The following ERBB4 variants were observed in gnomAD, a reference collection of about 807,000 sequenced individuals.
The protein encoded by ERBB4 is erb-b2 receptor tyrosine kinase 4.
A neutral mutation model predicts 158.0 loss-of-function variants in ERBB4; 42 were observed. The ratio of observed to expected loss-of-function variants is 0.27; its 90% CI spans 0.21 to 0.34. ERBB4 has a LOEUF of 0.34. ERBB4 is among the 10% of genes least tolerant of loss of function. The probability of loss-of-function intolerance (pLI) is 1.00; values close to 1 mark genes in which losing one functional copy is unlikely to be tolerated. For missense variants in ERBB4, 1,333 were observed against 1,624.1 expected, an observed-to-expected ratio of 0.82 and a Z score of 3.08; for synonymous variants, 583 against 558.7, an observed-to-expected ratio of 1.04 and a Z score of -0.61.
chr2:212,530,168 A>T (rs1692673751), intron 1 of ERBB4, among the ~76,000 whole-genome samples: 1 of 146,450 alleles, frequency 6.8e-6, no homozygotes, highest in Non-Finnish European at 1.5e-5. Flanking sequence ...ACCCATAAAG[A>T]GGATCTTGCA....
intron 1 of ERBB4, among the ~76,000 whole-genome samples, chr2:212,432,896 C>G (rs1007760443): frequency 2.0e-5 from 3 of 152,038 alleles, no homozygotes; most frequent in Non-Finnish European, 4.4e-5. Flanking sequence ...ATGGCAGCCA[C>G]AAACTCTGGA....
At chr2:211,807,652 T>C (rs114574828) in intron 3 of ERBB4, among the ~76,000 whole-genome samples, 1,897 of 152,334 alleles carry the variant, frequency 0.012, 34 homozygotes, top group African/African-American at 0.043. Context: ...CCTTTGGGTA[T>C]ATATCTAATA....
intron 3 of ERBB4, among the ~76,000 whole-genome samples, chr2:211,914,065 A>C (rs2079617799): frequency 6.7e-6 from 1 of 149,720 alleles, no homozygotes; most frequent in Admixed American, 6.7e-5. Context: ...AAAAAAAAAA[A>C]AACAAGGAGT....
chr2:211,418,993 A>G (rs1051770113), intron 25 of ERBB4, among the ~76,000 whole-genome samples: 3 of 152,158 alleles, frequency 2.0e-5, no homozygotes, highest in Admixed American at 6.5e-5. Context: ...TTTCCATATC[A>G]GATCTTCTAA....
chr2:212,139,859 C>T (rs749392528), intron 1 of ERBB4, among the ~76,000 whole-genome samples: 4 of 151,820 alleles, frequency 2.6e-5, no homozygotes, highest in Admixed American at 6.6e-5. Context: ...ACACCTTTTC[C>T]GAACATGACT....
chr2:211,703,975 G>C, intron 11 of ERBB4, 129 bp downstream of exon 11: 1 of 731,808 alleles, frequency 1.4e-6, no homozygotes, highest in South Asian at 1.5e-5. Context: ...GCTTATCTTT[G>C]GAAATAAGGA....
intron 1 of ERBB4, among the ~76,000 whole-genome samples, chr2:212,217,851 A>G (rs1318426018): frequency 2.0e-5 from 3 of 151,470 alleles, no homozygotes; most frequent in African/African-American, 4.8e-5. Flanking sequence ...GAACAAGATA[A>G]TATATGTAAA....
chr2:211,874,158 A>G (rs79063059), intron 3 of ERBB4, among the ~76,000 whole-genome samples: 1,712 of 152,190 alleles, frequency 0.011, 36 homozygotes, highest in African/African-American at 0.038. Context: ...AAACAAACAA[A>G]AACAAAACAA....
intron 2 of ERBB4, among the ~76,000 whole-genome samples, chr2:211,978,396 G>GTCTCTTTCTATCTATCTATCTATCTA (rs77259627): frequency 7.3e-6 from 1 of 136,560 alleles, no homozygotes; most frequent in Admixed American, 7.4e-5. Flanking sequence ...CTGTCTGTCT[G>GTCTCTTTCTATCTATCTATCTATCTA]TCTATCTATC....
intron 1 of ERBB4, among the ~76,000 whole-genome samples, chr2:212,489,567 A>G (rs1052190294): frequency 1.4e-4 from 21 of 152,060 alleles, no homozygotes; most frequent in African/African-American, 3.9e-4. Context: ...AGATTCACCA[A>G]TGTAAGAAAT....
At chr2:211,963,281 C>A (rs566505304) in intron 2 of ERBB4, among the ~76,000 whole-genome samples, 1 of 152,032 alleles carries the variant, frequency 6.6e-6, no homozygotes, top group African/African-American at 2.4e-5. Context: ...CACCAGACAG[C>A]CCTTTCTTCC....
At chr2:212,192,210 TA>T (rs1417459480) in intron 1 of ERBB4, among the ~76,000 whole-genome samples, 1 of 115,290 alleles carries the variant, frequency 8.7e-6, no homozygotes, top group Non-Finnish European at 1.7e-5. Flanking sequence ...TATTCTTTTT[TA>T]TTTCCTTCTT....
intron 16 of ERBB4, among the ~76,000 whole-genome samples, chr2:211,652,779 T>C (rs2071042714): frequency 6.6e-6 from 1 of 152,214 alleles, no homozygotes; most frequent in Admixed American, 6.5e-5. Context: ...TTGGAGCAAG[T>C]AACTAGATAA....
chr2:212,232,707 C>T (rs1381526368), intron 1 of ERBB4, among the ~76,000 whole-genome samples: 2 of 152,012 alleles, frequency 1.3e-5, no homozygotes, highest in South Asian at 2.1e-4. Flanking sequence ...CACACCCGGC[C>T]GGGAGTAAGT....
At chr2:211,492,290 G>C (rs113263800) in intron 20 of ERBB4, among the ~76,000 whole-genome samples, 4,216 of 152,190 alleles carry the variant, frequency 0.028, 92 homozygotes, top group Middle Eastern at 0.061. Context: ...GAGCATTCAG[G>C]TTTTGGAGTA....
intron 15 of ERBB4, 132 bp from the exon 16 acceptor site, chr2:211,657,960 G>A: frequency 6.2e-7 from 1 of 1,606,034 alleles, no homozygotes; most frequent in South Asian, 1.1e-5. Context: ...CTATCCATCA[G>A]GCCGATGCAG....
intron 1 of ERBB4, among the ~76,000 whole-genome samples, chr2:212,183,676 A>G (rs999646149): frequency 2.0e-5 from 3 of 152,064 alleles, no homozygotes; most frequent in Non-Finnish European, 2.9e-5. Flanking sequence ...GTTAATTTAT[A>G]AAAGTAGACT....
At chr2:212,280,975 T>C (rs1312016832) in intron 1 of ERBB4, among the ~76,000 whole-genome samples, 1 of 151,724 alleles carries the variant, frequency 6.6e-6, no homozygotes, top group Non-Finnish European at 1.5e-5. Flanking sequence ...ATACTCCGTC[T>C]TTTGACACTT....
At chr2:211,811,555 T>C (rs1018798502) in intron 3 of ERBB4, among the ~76,000 whole-genome samples, 5 of 152,174 alleles carry the variant, frequency 3.3e-5, no homozygotes, top group South Asian at 2.1e-4. Context: ...ATTTGAATGT[T>C]GGCCTGCCTT....
Sources: gnomAD v4.1 joint callset for allele counts (sites outside exome capture counted in the v4.1 genomes callset) on GRCh38, gnomAD v4.1.1 for gene constraint, MANE v1.5 for transcripts, NCBI Gene and HGNC (gene_info 2026-07-23, HGNC 2026-07-21) for gene names.